The following LRP3 variants were observed in gnomAD, a reference collection of about 807,000 sequenced individuals.
LRP3 encodes low-density lipoprotein receptor-related protein 3.
Under a neutral mutation model 58.5 loss-of-function variants are expected in LRP3, and 49 were observed. The observed-to-expected ratio is 0.84, with a 90% CI of 0.67 to 1.06. The LOEUF is 1.06. Ranked by LOEUF, LRP3 falls within the 50% of genes least tolerant of loss-of-function variation. The pLI is 0.00. For missense variants in LRP3, 1,019 were observed against 1,134.2 expected, an observed-to-expected ratio of 0.90 and a Z score of 1.46; for synonymous variants, 485 against 492.2, an observed-to-expected ratio of 0.99 and a Z score of 0.20.
In LRP3 at chr19:33,206,185, G is replaced by T; in HGVS notation, c.1415G>T (p.Trp472Leu). 6.3e-7 allele frequency: 1 copy of T among 1,595,284 alleles called. No homozygotes were observed. ...CGTNLCIFET[W>L]RCDGQEDCQD... ...ACCAACCTGTGCATCTTCGAGACGT[G>T]GCGCTGTGACGGCCAGGAAGACTGC... is the stretch of plus-strand genomic sequence containing the variant. The change falls in exon 5 of 7, where the codon TGG (tryptophan) becomes TTG (leucine). Residue 472 changes from tryptophan to leucine, a missense_variant. Trp to Leu is a moderately conservative substitution (Grantham distance 61). Around this residue, in one of 2 missense-constraint regions of LRP3, gnomAD observed 592 missense variants for 725.5 expected, o/e 0.82. Coordinates refer to ENST00000253193, the MANE Select transcript of LRP3 (RefSeq NM_002333.4).
In LRP3 at chr19:33,208,814, C is replaced by A; in HGVS notation, c.*1239C>A. On this transcript the variant is annotated 3_prime_UTR_variant, in exon 7 of 7. Transcript: ENST00000253193. The surrounding 1 kb of genome is among the most constrained non-coding windows in gnomAD (Gnocchi z 4.7). ...CTTTTTTTTCCAGAAAAAAACAAAA[C>A]AAAACTTTTTTGCCAAAACACCTCC... 2 of 1,575,784 alleles carry A rather than the reference C, an allele frequency of 1.3e-6. No individual in the cohort carries two copies. Among genetic ancestry groups the A allele is most frequent in the Non-Finnish European group, 1.7e-6 (2 of 1,155,920 alleles).
In LRP3 at chr19:33,205,823, C is replaced by G. The variant is rs574301028; in HGVS notation, c.1053C>G (p.Ala351=). The change falls in exon 5 of 7, where the codon GCC becomes GCG. Residue 351 remains alanine, a synonymous_variant. Transcript: ENST00000253193. The stretch of plus-strand genomic sequence containing the variant: ...TCACTGTGGCCTACCACGCGCGCGC[C>G]CGCAGCGCCGGCCACGGCTTCAATG... The part of the protein sequence containing the change: ...GRLTVAYHAR[A]RSAGHGFNAT... 2.1e-4 allele frequency: 327 copies of G among 1,586,756 alleles called. 1 individual carries two copies. Among genetic ancestry groups the G allele is most frequent in the Middle Eastern group, 3.4e-4 (2 of 5,952 alleles).
intron 2 of LRP3, among the ~76,000 whole-genome samples, chr19:33,199,156 C>T (rs910153750): frequency 6.6e-6 from 1 of 152,136 alleles, no homozygotes; most frequent in Non-Finnish European, 1.5e-5. Flanking sequence ...CATTATCCCG[C>T]AAATCATGCA....
Position 33,206,981 on chromosome 19 carries a change from C to T in LRP3, c.1726-7C>T. 6.8e-7 allele frequency: 1 copy of T among 1,460,252 alleles called. No individual in the cohort carries two copies. Among genetic ancestry groups the T allele is most frequent in the Non-Finnish European group, 9.0e-7 (1 of 1,108,562 alleles). The allele number at this position is 1,460,252 out of a possible 1,614,324, so 90.5% of individuals were successfully genotyped here. ...TCCCCCCGCCCCTACCCTGCTCCACCCCACAGGCCTCTGTGCTGCAGAATC... is the reference window on the plus strand; with the variant it reads ...TCCCCCCGCCCCTACCCTGCTCCACTCCACAGGCCTCTGTGCTGCAGAATC... On this transcript the variant is annotated splice_region_variant and splice_polypyrimidine_tract_variant and intron_variant, in intron 6 of 6. Transcript: ENST00000253193.
At chr19:33,195,533 C>T (rs1302720632) in intron 1 of LRP3, among the ~76,000 whole-genome samples, 1 of 152,206 alleles carries the variant, frequency 6.6e-6, no homozygotes, top group African/African-American at 2.4e-5. Context: ...CACATGGCTC[C>T]TTTATTTACT....
chr19:33,206,250 C>T lies in LRP3; in HGVS notation c.1480C>T (p.Pro494Ser), dbSNP rs761159779. ...SDEHGCLAAV[P>S]RKVITAALIG... is the part of the protein sequence containing the mutation. The stretch of plus-strand genomic sequence containing the variant: ...TGAGCATGGGTGCCTGGCCGCCGTG[C>T]CCCGCAAGGTCATCACGGCGGCGCT... Residue 494 changes from proline to serine, a missense_variant, in exon 5 of 7, where the codon CCC becomes TCC. By Grantham distance (74) the Pro-to-Ser change is moderately conservative. Around this residue, in one of 2 missense-constraint regions of LRP3, gnomAD observed 427 missense variants for 408.6 expected, o/e 1.04. Coordinates refer to ENST00000253193, the MANE Select transcript of LRP3 (RefSeq NM_002333.4). 1.8e-5 allele frequency: 29 copies of T among 1,597,382 alleles called. No homozygotes were observed. Among genetic ancestry groups the T allele is most frequent in the Admixed American group, 3.4e-5 (2 of 59,400 alleles).
In LRP3 at chr19:33,207,387, G is replaced by T; in HGVS notation, c.2125G>T (p.Asp709Tyr). 6.3e-7 allele frequency: 1 copy of T among 1,585,540 alleles called. No individual in the cohort carries two copies. The highest frequency in any genetic ancestry group is 8.5e-7 in the Non-Finnish European group (1 of 1,171,544). The change falls in exon 7 of 7, where the codon GAC becomes TAC. Residue 709 changes from aspartate to tyrosine, a missense_variant. Asp to Tyr is a radical substitution (Grantham distance 160). Around this residue, in one of 2 missense-constraint regions of LRP3, gnomAD observed 427 missense variants for 408.6 expected, o/e 1.04. Coordinates refer to ENST00000253193, the MANE Select transcript of LRP3 (RefSeq NM_002333.4). ...DRKVCREPLV[D>Y]GPAPADAPRE... The stretch of plus-strand genomic sequence containing the variant: ...AAAGGTCTGCAGGGAGCCACTGGTA[G>T]ACGGCCCAGCTCCTGCAGATGCACC...
In LRP3 at chr19:33,206,188, G is replaced by A. The variant is rs551786894; in HGVS notation, c.1418G>A (p.Arg473His). ...GTNLCIFETW[R>H]CDGQEDCQDG... Reference sequence around the variant, plus strand: ...AACCTGTGCATCTTCGAGACGTGGCGCTGTGACGGCCAGGAAGACTGCCAG... The same window carrying A: ...AACCTGTGCATCTTCGAGACGTGGCACTGTGACGGCCAGGAAGACTGCCAG... Residue 473 changes from arginine (R) to histidine (H), a missense_variant, in exon 5 of 7, where the codon CGC becomes CAC. Transcript: ENST00000253193. 7.6e-5 allele frequency: 121 copies of A among 1,594,502 alleles called. 1 individual carries two copies. The East Asian group carries it at 2.4e-3, about 32-fold the overall frequency.
rs760569914 is a variant in LRP3 at position 33,204,849 on chromosome 19, C to T, written c.472C>T (p.Arg158Ter). 9.3e-6 allele frequency: 15 copies of T among 1,612,704 alleles called. No homozygotes were observed. The highest frequency in any genetic ancestry group is 2.2e-5 in the East Asian group (1 of 44,874). Residue 158 changes from arginine (R) to a stop codon, truncating the protein, a stop_gained, in exon 4 of 7, where the codon CGA (arginine) becomes TGA (stop). Transcript: ENST00000253193. LOFTEE classifies it high-confidence loss of function. ...CCAGGGCTTCCGTCTGTCTTACATC[C>T]GAGGTGATGGAGGCTGCAGGGCAGG... ...QAQGFRLSYI[R>*]GKLGQASCQA...
chr19:33,203,062 GAGC>G (rs1321274491), intron 3 of LRP3, 76 bp downstream of exon 3: 2 of 1,536,906 alleles, frequency 1.3e-6, no homozygotes, highest in Admixed American at 1.8e-5. Flanking sequence ...GTGTGTGTGT[GAGC>G]AGGTGTGGAG....
rs377130707 is a variant in LRP3, at chr19:33,204,867, A to G, written c.475+15A>G. 1.4e-4 allele frequency: 225 copies of G among 1,610,010 alleles called. No homozygotes were observed. The African/African-American group carries it at 2.7e-3, about 19-fold the overall frequency. On this transcript the variant is annotated intron_variant, in intron 4 of 6. Transcript: ENST00000253193. ...TTACATCCGAGGTGATGGAGGCTGC[A>G]GGGCAGGCAGGACACCACGGAGCAC...
chr19:33,196,884 G>C (rs759254115), intron 2 of LRP3, 107 bp downstream of exon 2: 9 of 1,026,732 alleles, frequency 8.8e-6, no homozygotes, highest in Admixed American at 1.8e-5. Context: ...GTTCCTGTGT[G>C]CATCTTTTCT....
At position 33,207,604 on chromosome 19, in the gene LRP3, C is replaced by A; in HGVS notation, c.*29C>A. On this transcript the variant is annotated 3_prime_UTR_variant, in exon 7 of 7. Transcript: ENST00000253193. ...CTGGGCTCGCTGGTGACCGCCACAG[C>A]CCCGCTTTGTAACCAGGGAATACAC... The A allele has an allele frequency of 1.3e-6, 2 of 1,489,548 alleles. No homozygotes were observed. Among genetic ancestry groups the A allele is most frequent in the Non-Finnish European group, 1.8e-6 (2 of 1,081,510 alleles). The allele number at this position is 1,489,548 out of a possible 1,614,324, so 92.3% of individuals were successfully genotyped here. A position where few individuals can be genotyped will look rare whatever the true frequency, so the allele number is the denominator to read the frequency against.
At position 33,205,547 on chromosome 19, in the gene LRP3, C is replaced by T; in HGVS notation, c.777C>T (p.Gly259=). 6.3e-7 allele frequency: 1 copy of T among 1,594,102 alleles called. No individual in the cohort carries two copies. Among genetic ancestry groups the T allele is most frequent in the Non-Finnish European group, 8.5e-7 (1 of 1,172,104 alleles). ...CPDLACGRRL[G]SFYGSFASPD... ...ACCTGGCGTGCGGCCGGCGGCTGGG[C>T]AGCTTCTACGGCTCCTTTGCCTCCC... is the stretch of plus-strand genomic sequence containing the variant. The change falls in exon 5 of 7, where the codon GGC becomes GGT. Residue 259 remains glycine, a synonymous_variant. Coordinates refer to ENST00000253193, the MANE Select transcript of LRP3 (RefSeq NM_002333.4).
chr19:33,206,160 A>T lies in LRP3; in HGVS notation c.1390A>T (p.Thr464Ser), dbSNP rs775894697. 6.2e-7 allele frequency: 1 copy of T among 1,602,964 alleles called. No homozygotes were observed. The highest frequency in any genetic ancestry group is 1.1e-5 in the South Asian group (1 of 90,750). ...CCAGCCCGGCACCTTCCACTGCGGTACCAACCTGTGCATCTTCGAGACGTG... is the reference window on the plus strand; with the variant it reads ...CCAGCCCGGCACCTTCCACTGCGGTTCCAACCTGTGCATCTTCGAGACGTG... ...SCQPGTFHCGTNLCIFETWRC... is the reference protein window; with the variant it reads ...SCQPGTFHCGSNLCIFETWRC... Residue 464 changes from threonine to serine, a missense_variant, in exon 5 of 7, where the codon ACC becomes TCC. By Grantham distance (58) the Thr-to-Ser change is moderately conservative (BLOSUM62 1). Coordinates refer to ENST00000253193, the MANE Select transcript of LRP3 (RefSeq NM_002333.4).
In LRP3 at chr19:33,207,553, A is replaced by G. The variant is rs1264720847; in HGVS notation, c.2291A>G (p.Asp764Gly). The change falls in exon 7 of 7, where the codon GAT becomes GGT. Residue 764 changes from aspartate (D) to glycine (G), a missense_variant. This residue lies in a region of LRP3 where 427 missense variants were observed against 408.6 expected (regional missense o/e 1.04). Coordinates refer to ENST00000253193, the MANE Select transcript of LRP3 (RefSeq NM_002333.4). ...PCSPMLEASD[D>G]EALLVC is the part of the protein sequence containing the mutation. The stretch of plus-strand genomic sequence containing the variant: ...TCCCCAATGCTGGAGGCCAGCGATG[A>G]TGAGGCCCTGTTGGTCTGTTGACCG... The G allele has an allele frequency of 6.2e-7, 1 of 1,601,522 alleles. No individual in the cohort carries two copies. The highest frequency in any genetic ancestry group is 8.5e-7 in the Non-Finnish European group (1 of 1,176,858).
At chr19:33,204,903 C>T in intron 4 of LRP3, 51 bp downstream of exon 4, 2 of 1,544,866 alleles carry the variant, frequency 1.3e-6, no homozygotes, top group South Asian at 2.3e-5. Context: ...ACCGTGCATG[C>T]CCACAGGCTC....
In LRP3 at chr19:33,207,701, C is replaced by A; in HGVS notation, c.*126C>A. 2.7e-6 allele frequency: 2 copies of A among 734,894 alleles called. No homozygotes were observed. The highest frequency in any genetic ancestry group is 4.5e-6 in the Non-Finnish European group (2 of 447,334). 45.5% of individuals were successfully genotyped at this position (734,894 alleles called of 1,614,324 possible). A position where few individuals can be genotyped will look rare whatever the true frequency, so the allele number is the denominator to read the frequency against. On this transcript the variant is annotated 3_prime_UTR_variant, in exon 7 of 7. Coordinates refer to ENST00000253193, the MANE Select transcript of LRP3 (RefSeq NM_002333.4). ...CCGGGGACCCCAGCGGAGGGGCTGG[C>A]CCCTAAGCCAGCTGGCTGCACTGGT...
rs77986576 is a variant in LRP3 at position 33,207,835 on chromosome 19, C to A, written c.*260C>A. The A allele has an allele frequency of 9.2e-4, 487 of 531,100 alleles. 3 individuals are homozygous for A. Among genetic ancestry groups the A allele is most frequent in the African/African-American group, 8.9e-3 (452 of 51,002 alleles). 32.9% of individuals were successfully genotyped at this position (531,100 alleles called of 1,614,324 possible). A position where few individuals can be genotyped will look rare whatever the true frequency, so the allele number is the denominator to read the frequency against. ...CCCTGGGGTCTCACTTCTCTCCCCC[C>A]ACTCCATTCTGGGAACCCATTTCCA... On this transcript the variant is annotated 3_prime_UTR_variant, in exon 7 of 7. Coordinates refer to ENST00000253193, the MANE Select transcript of LRP3 (RefSeq NM_002333.4).
Sources: gnomAD v4.1 joint callset for allele counts (sites outside exome capture counted in the v4.1 genomes callset) on GRCh38, gnomAD v4.1.1 for gene constraint, gnomAD v4.1.1 regional missense constraint, Gnocchi (gnomAD v3.1) non-coding constraint, MANE v1.5 for transcripts, NCBI Gene and HGNC (gene_info 2026-07-23, HGNC 2026-07-21) for gene names.